TMEM247: variants seen among roughly 807,000 people sequenced by gnomAD.
The protein encoded by TMEM247 is transmembrane protein ENSP00000343375.
TMEM247 carries 23 observed loss-of-function variants against 20.7 expected under a neutral mutation model. The observed-to-expected ratio is 1.11, with a 90% confidence interval of 0.80 to 1.57. TMEM247 has a LOEUF of 1.57. Ranked by LOEUF, TMEM247 falls within the 40% of genes most tolerant of loss-of-function variation. The pLI, the probability that TMEM247 is intolerant of heterozygous loss-of-function variation, is 0.00. For missense variants in TMEM247, 354 were observed against 283.8 expected, an observed-to-expected ratio of 1.25 and a Z score of -1.78; for synonymous variants, 106 against 111.9, an observed-to-expected ratio of 0.95 and a Z score of 0.33.
At chr2:46,484,166 G>T in intron 2 of TMEM247, 78 bp from the exon 3 acceptor site, 2 of 1,293,294 alleles carry the variant, frequency 1.5e-6, no homozygotes, top group Non-Finnish European at 2.1e-6. Flanking sequence ...TACAGGCAGG[G>T]TCAGAGCAGG....
In TMEM247 at chr2:46,479,703, G is replaced by T; in HGVS notation, c.117+1G>T. 6.5e-7 allele frequency: 1 copy of T among 1,546,656 alleles called. No homozygotes were observed. Among genetic ancestry groups the T allele is most frequent in the Non-Finnish European group, 8.8e-7 (1 of 1,142,374 alleles). ...TGAAGGGAAGCCAAGGGCTTATCTG[G>T]TAAGGGGGCTGCTGTGTCTCACCAC... On this transcript the variant is annotated splice_donor_variant, in intron 1 of 2. Transcript: ENST00000434431. LOFTEE classifies it high-confidence loss of function.
chr2:46,483,730 T>C (rs1686934601), intron 2 of TMEM247, among the ~76,000 whole-genome samples: 2 of 152,220 alleles, frequency 1.3e-5, no homozygotes, highest in Non-Finnish European at 1.5e-5. Flanking sequence ...TCCTTCTATG[T>C]GCTAGTTACC....
chr2:46,484,349 T>G (rs908880381), exon 3 of TMEM247: 2 of 1,552,302 alleles, frequency 1.3e-6, no homozygotes, highest in African/African-American at 2.7e-5. Flanking sequence ...GGAGATGGTC[T>G]TCTTTCTCTT....
At chr2:46,480,763 T>G (rs1686871396) in exon 2 of TMEM247, 1 of 1,544,432 alleles carries the variant, frequency 6.5e-7, no homozygotes, top group Admixed American at 2.0e-5. Flanking sequence ...GCGCCCCGCC[T>G]GGTGGGTGAC....
Position 46,484,267 on chromosome 2 carries a change from C to T in TMEM247, c.501C>T (p.Phe167=), listed in dbSNP as rs1043493693. 5.2e-6 allele frequency: 8 copies of T among 1,550,948 alleles called. No homozygotes were observed. The African/African-American group carries it at 8.2e-5, about 16-fold the overall frequency. The change falls in exon 3 of 3, where the codon TTC becomes TTT. Residue 167 remains phenylalanine (F), a synonymous_variant. Coordinates refer to ENST00000434431, the Ensembl canonical transcript of TMEM247. Reference sequence around the variant, plus strand: ...AGTTTTCAGGAGGCCTCCAGAACTTCCTGCTGCCCCAGAACCAGTTTGCCA... The same window carrying T: ...AGTTTTCAGGAGGCCTCCAGAACTTTCTGCTGCCCCAGAACCAGTTTGCCA...
Position 46,479,657 on chromosome 2 carries a change from G to T in TMEM247, c.72G>T (p.Met24Ile), listed in dbSNP as rs765642084. ...AAAGTTGCCCGACCTTCCCCAAGAT[G>T]GTGCCTGGTGACTCCAAGTCTGAAG... The change falls in exon 1 of 3, where the codon ATG becomes ATT. Residue 24 changes from methionine (M) to isoleucine (I), a missense_variant. Physicochemically the swap from Met to Ile is conservative, Grantham distance 10. Transcript: ENST00000434431. 117 of 1,551,748 alleles carry T rather than the reference G, an allele frequency of 7.5e-5. No individual in the cohort carries two copies. Among genetic ancestry groups the T allele is most frequent in the Middle Eastern group, 5.0e-4 (3 of 5,990 alleles).
chr2:46,484,182 A>AC, intron 2 of TMEM247, 62 bp from the exon 3 acceptor site: 1 of 1,438,050 alleles, frequency 7.0e-7, no homozygotes, highest in Non-Finnish European at 9.4e-7. Context: ...GCAGGACTGA[A>AC]CCTAGATCTG....
intron 2 of TMEM247, among the ~76,000 whole-genome samples, chr2:46,481,130 T>A (rs1686880781): frequency 6.6e-6 from 1 of 152,056 alleles, no homozygotes. Context: ...TCTTCAACAT[T>A]TCCTCCCTCT....
At chr2:46,480,879 C>G in intron 2 of TMEM247, 115 bp downstream of exon 2, 2 of 1,358,312 alleles carry the variant, frequency 1.5e-6, no homozygotes. Flanking sequence ...CCTGCAGATC[C>G]TGGATCTCGG....
At chr2:46,482,897 T>C (rs1686916240) in intron 2 of TMEM247, among the ~76,000 whole-genome samples, 1 of 152,250 alleles carries the variant, frequency 6.6e-6, no homozygotes, top group African/African-American at 2.4e-5. Context: ...AACAGTGATG[T>C]GTCCCCATCC....
chr2:46,481,514 C>T (rs1262439618), intron 2 of TMEM247, among the ~76,000 whole-genome samples: 5 of 152,236 alleles, frequency 3.3e-5, no homozygotes, highest in Non-Finnish European at 7.3e-5. Flanking sequence ...CAGTTATAAA[C>T]TCCCTGACAT....
At chr2:46,480,506 C>G in exon 2 of TMEM247, 2 of 1,551,742 alleles carry the variant, frequency 1.3e-6, no homozygotes, top group Non-Finnish European at 1.7e-6. Flanking sequence ...CGCTGTCCCC[C>G]AAGTCCTGCC....
intron 2 of TMEM247, among the ~76,000 whole-genome samples, chr2:46,482,488 A>G (rs886136925): frequency 3.2e-4 from 48 of 152,202 alleles, no homozygotes; most frequent in African/African-American, 1.2e-3. Flanking sequence ...CAGTTTGAAA[A>G]TCTTTCTCCT....
At position 46,480,153 on chromosome 2, in the gene TMEM247, A is replaced by C. The variant is rs193196352; in HGVS notation, c.118-252A>C. 2.6e-5 allele frequency among the ~76,000 whole-genome samples: 4 copies of C among 152,194 alleles called. No individual in the cohort carries two copies. The East Asian group carries it at 7.7e-4, about 29-fold the overall frequency. On this transcript the variant is annotated intron_variant, in intron 1 of 2. Coordinates refer to ENST00000434431, the Ensembl canonical transcript of TMEM247. ...AAAAATCACTAGAAAAATGGACATC[A>C]ATCTACTCAACTCCCAGTGCCTCCA... is the stretch of plus-strand genomic sequence containing the variant.
Position 46,484,404 on chromosome 2 carries a change from T to C in TMEM247, c.638T>C (p.Leu213Ser), listed in dbSNP as rs1280985104. The change falls in exon 3 of 3, where the codon TTG (leucine) becomes TCG (serine). Residue 213 changes from leucine (L) to serine (S), a missense_variant. Physicochemically the swap from Leu to Ser is moderately radical, Grantham distance 145. Transcript: ENST00000434431. ...TGCATTGCAGCCATTTTGCTCTGTTTGATTAAAACTTTCTGGTCATACTTC... is the reference window on the plus strand; with the variant it reads ...TGCATTGCAGCCATTTTGCTCTGTTCGATTAAAACTTTCTGGTCATACTTC... 1.9e-6 allele frequency: 3 copies of C among 1,551,862 alleles called. No individual in the cohort carries two copies. In the South Asian group the frequency reaches 3.6e-5, roughly 18 times the overall value.
chr2:46,480,662 C>CCAGCTG, exon 2 of TMEM247: 1 of 1,122,060 alleles, frequency 8.9e-7, no homozygotes, highest in Non-Finnish European at 1.2e-6. Flanking sequence ...ATGAGAAGAA[C>CCAGCTG]CAGCGGCAGC....
chr2:46,481,574 T>G (rs919586837), intron 2 of TMEM247, among the ~76,000 whole-genome samples: 1 of 152,186 alleles, frequency 6.6e-6, no homozygotes, highest in South Asian at 2.1e-4. Flanking sequence ...ATCCATGAAG[T>G]AGTACCTACC....
At chr2:46,483,104 T>C (rs1394180917) in intron 2 of TMEM247, among the ~76,000 whole-genome samples, 1 of 152,194 alleles carries the variant, frequency 6.6e-6, no homozygotes, top group African/African-American at 2.4e-5. Context: ...TCTCGGTCCC[T>C]GCCACCTGGT....
intron 2 of TMEM247, among the ~76,000 whole-genome samples, chr2:46,483,473 G>T (rs1386484009): frequency 6.6e-6 from 1 of 152,212 alleles, no homozygotes; most frequent in African/African-American, 2.4e-5. Flanking sequence ...GTGAGAAACA[G>T]TCATTTATAT....
Sources: allele counts gnomAD v4.1 joint callset (sites outside exome capture counted in the v4.1 genomes callset), GRCh38; gene constraint gnomAD v4.1.1; transcripts MANE v1.5; gene names NCBI Gene and HGNC (gene_info 2026-07-23, HGNC 2026-07-21).